The following NUDT3 variants were observed in gnomAD, a reference collection of about 807,000 sequenced individuals.
The protein encoded by NUDT3 is nudix hydrolase 3.
In NUDT3, 9 loss-of-function variants were observed where a neutral mutation model predicts 23.6. The ratio of observed to expected loss-of-function variants is 0.38; its 90% CI spans 0.23 to 0.66. The LOEUF (loss-of-function observed/expected upper bound fraction) is 0.66. Ranked by LOEUF, NUDT3 falls within the 30% of genes least tolerant of loss-of-function variation. The pLI, the probability that NUDT3 is intolerant of heterozygous loss-of-function variation, is 0.52. For synonymous variants in NUDT3, 86 were observed against 82.6 expected, an observed-to-expected ratio of 1.04 and a Z score of -0.22; for missense variants, 172 against 218.5, an observed-to-expected ratio of 0.79 and a Z score of 1.34.
Position 34,295,538 on chromosome 6 carries a change from A to G in NUDT3, c.255+103T>C, listed in dbSNP as rs566390089. The G allele has an allele frequency of 6.2e-6, 8 of 1,294,952 alleles. No homozygotes were observed. The East Asian group carries it at 2.1e-4, about 34-fold the overall frequency. The allele number at this position is 1,294,952 out of a possible 1,614,324, so 80.2% of individuals were successfully genotyped here. On this transcript the variant is annotated intron_variant, in intron 3 of 4. Coordinates refer to ENST00000607016, the MANE Select transcript of NUDT3 (RefSeq NM_006703.4). ...TGTCTCAAAAAGTTAAAAATAACTA[A>G]AAAAAAAAAAACTCGCTGAAACAGA...
chr6:34,385,606 T>C (rs1581905042), intron 1 of NUDT3, among the ~76,000 whole-genome samples: 1 of 152,078 alleles, frequency 6.6e-6, no homozygotes. Context: ...AAGTAATCTA[T>C]GTGCAGAGTC....
In NUDT3 at chr6:34,392,498, C is replaced by T. The variant is rs1765224845; in HGVS notation, c.-136G>A. ...GAGGGGGAGCTTCTCCGCTACACGG[C>T]TCCGCCGCTGGCCCGCCGCGGCCGC... On this transcript the variant is annotated 5_prime_UTR_variant, in exon 1 of 5. Transcript: ENST00000607016. The T allele has an allele frequency of 1.9e-6, 1 of 539,848 alleles. No individual in the cohort carries two copies. 33.4% of individuals were successfully genotyped at this position (539,848 alleles called of 1,614,324 possible).
chr6:34,332,104 T>C (rs1561909678), intron 2 of NUDT3, among the ~76,000 whole-genome samples: 1 of 152,138 alleles, frequency 6.6e-6, no homozygotes, highest in Non-Finnish European at 1.5e-5. Context: ...CAGGCTGTTC[T>C]CAAACTCCTA....
rs1011237723 is a variant in NUDT3, at chr6:34,285,369, A to G, written c.*3384T>C. 13 of 152,186 alleles carry G rather than the reference A, an allele frequency of 8.5e-5. No individual in the cohort carries two copies. Among genetic ancestry groups the G allele is most frequent in the African/African-American group, 3.1e-4 (13 of 41,440 alleles). 9.4% of individuals were successfully genotyped at this position (152,186 alleles called of 1,614,324 possible). ...AAATCCTGGTCCAAAAGATCACATG[A>G]CCTTACTAGTGTTTCCCCAATGACT... On this transcript the variant is annotated 3_prime_UTR_variant, in exon 5 of 5. Transcript: ENST00000607016.
intron 1 of NUDT3, among the ~76,000 whole-genome samples, chr6:34,346,738 C>CAA (rs992551462): frequency 7.2e-6 from 1 of 138,810 alleles, no homozygotes; most frequent in African/African-American, 2.6e-5. Flanking sequence ...AAATTTACTA[C>CAA]AAAAAAAAAA....
chr6:34,372,995 G>A lies in NUDT3; in HGVS notation c.99+19269C>T, dbSNP rs192183403. Among the ~76,000 whole-genome samples, 668 of 151,548 alleles carry A rather than the reference G, an allele frequency of 4.4e-3. 2 individuals are homozygous for A. The highest frequency in any genetic ancestry group is 0.015 in the African/African-American group (631 of 41,334). On this transcript the variant is annotated intron_variant, in intron 1 of 4. Coordinates refer to ENST00000607016, the MANE Select transcript of NUDT3 (RefSeq NM_006703.4). ...AGAGAGAGAGAGCGAGAGCACGCGC[G>A]TGTGCCGGGCGCGGTGGCTCACACC...
At chr6:34,367,239 T>G (rs554015596) in intron 1 of NUDT3, among the ~76,000 whole-genome samples, 8 of 151,936 alleles carry the variant, frequency 5.3e-5, no homozygotes, top group Non-Finnish European at 1.2e-4. Context: ...ACCAGCACTT[T>G]GGGAGGCTGA....
At chr6:34,296,326 C>A (rs1763498691) in intron 2 of NUDT3, among the ~76,000 whole-genome samples, 1 of 151,874 alleles carries the variant, frequency 6.6e-6, no homozygotes, top group Admixed American at 6.6e-5. Flanking sequence ...GTAATCCCAG[C>A]ACTTTGGGAA....
intron 2 of NUDT3, among the ~76,000 whole-genome samples, chr6:34,316,585 T>C (rs892608027): frequency 6.6e-6 from 1 of 152,310 alleles, no homozygotes; most frequent in Non-Finnish European, 1.5e-5. Flanking sequence ...ACCATGGCAT[T>C]TCTTCACCAA....
chr6:34,314,621 G>C (rs1763831452), intron 2 of NUDT3, among the ~76,000 whole-genome samples: 1 of 151,266 alleles, frequency 6.6e-6, no homozygotes. Context: ...CTACATAAAG[G>C]AACCTAAAAT....
chr6:34,292,983 T>C (rs574667970), intron 4 of NUDT3, among the ~76,000 whole-genome samples: 1 of 152,338 alleles, frequency 6.6e-6, no homozygotes, highest in South Asian at 2.1e-4. Context: ...CAAAATACTA[T>C]CAGGTTCAAA....
chr6:34,382,979 T>C (rs981822560), intron 1 of NUDT3, among the ~76,000 whole-genome samples: 2 of 151,564 alleles, frequency 1.3e-5, no homozygotes, highest in Non-Finnish European at 2.9e-5. Context: ...CTGCAAAAAT[T>C]AGCTGGGTGC....
At chr6:34,324,614 T>C (rs1252520489) in intron 2 of NUDT3, among the ~76,000 whole-genome samples, 2 of 152,172 alleles carry the variant, frequency 1.3e-5, no homozygotes, top group Non-Finnish European at 2.9e-5. Context: ...ACTCTAATGG[T>C]CTTAGTCAAA....
intron 3 of NUDT3, among the ~76,000 whole-genome samples, chr6:34,294,092 G>A (rs187576806): frequency 8.2e-4 from 125 of 152,266 alleles, no homozygotes; most frequent in African/African-American, 3.0e-3. Flanking sequence ...GAGCTTAGGT[G>A]ATCTTCTCAC....
chr6:34,318,974 A>C (rs1763900446), intron 2 of NUDT3, among the ~76,000 whole-genome samples: 1 of 152,020 alleles, frequency 6.6e-6, no homozygotes, highest in Non-Finnish European at 1.5e-5. Flanking sequence ...GATTTAGTCA[A>C]TGTGTCCAAG....
In NUDT3 at chr6:34,392,273, G is replaced by T; in HGVS notation, c.90C>A (p.Ser30Arg). The T allele has an allele frequency of 1.3e-6, 2 of 1,598,044 alleles. No homozygotes were observed. Among genetic ancestry groups the T allele is most frequent in the South Asian group, 1.1e-5 (1 of 89,814 alleles). Residue 30 changes from serine to arginine, a missense_variant, in exon 1 of 5, where the codon AGC (serine) becomes AGA (arginine). Physicochemically the swap from Ser to Arg is moderately radical, Grantham distance 110. Around this residue, in one of 3 missense-constraint regions of NUDT3, gnomAD observed 50 missense variants for 46.2 expected, o/e 1.08. Coordinates refer to ENST00000607016, the MANE Select transcript of NUDT3 (RefSeq NM_006703.4). ...CAGCCTGCCGCCTCACCTCCTCCTC[G>T]CTCTCGCTGCGGAAACACAGGCATG... is the stretch of plus-strand genomic sequence containing the variant. The part of the protein sequence containing the change: ...RAACLCFRSE[S>R]EEEVLLVSSS...
chr6:34,313,868 C>A lies in NUDT3; in HGVS notation c.211-18183G>T, dbSNP rs541575284. ...ATCCCAGCACTTTGGGAGGCCCAGG[C>A]GGGTGGATCATCTGAGGCTGGGAGT... is the stretch of plus-strand genomic sequence containing the variant. On this transcript the variant is annotated intron_variant, in intron 2 of 4. Transcript: ENST00000607016. 2.6e-3 allele frequency among the ~76,000 whole-genome samples: 394 copies of A among 151,606 alleles called. 1 individual carries two copies. The highest frequency in any genetic ancestry group is 8.6e-3 in the African/African-American group (356 of 41,300).
intron 3 of NUDT3, 31 bp downstream of exon 3, chr6:34,295,610 T>C: frequency 6.2e-7 from 1 of 1,611,274 alleles, no homozygotes; most frequent in South Asian, 1.1e-5. Context: ...TTAATACATA[T>C]CATTTGTACC....
chr6:34,376,310 T>C (rs1764922265), intron 1 of NUDT3, among the ~76,000 whole-genome samples: 1 of 152,006 alleles, frequency 6.6e-6, no homozygotes, highest in Non-Finnish European at 1.5e-5. Context: ...GCAGTGGCAC[T>C]ATCATGCCAC....
Sources: gnomAD v4.1 joint callset for allele counts (sites outside exome capture counted in the v4.1 genomes callset) on GRCh38, gnomAD v4.1.1 for gene constraint, gnomAD v4.1.1 regional missense constraint, MANE v1.5 for transcripts, NCBI Gene and HGNC (gene_info 2026-07-23, HGNC 2026-07-21) for gene names.